Variants in TRIM67 observed in about 807,000 individuals in gnomAD.
TRIM67 encodes tripartite motif-containing protein 67.
Under a neutral mutation model 71.0 loss-of-function variants are expected in TRIM67, and 39 were observed. The observed-to-expected ratio is 0.55, with a 90% CI of 0.43 to 0.72. The LOEUF (loss-of-function observed/expected upper bound fraction) is 0.72. TRIM67 is among the 30% of genes least tolerant of loss of function. The pLI, the probability that TRIM67 is intolerant of heterozygous loss-of-function variation, is 0.00. For missense variants in TRIM67, 973 were observed against 1,079.2 expected (o/e 0.90, Z 1.38); for synonymous variants, 481 against 473.9 (o/e 1.01, Z -0.19).
chr1:231,164,286 A>T (rs1458493074), intron 1 of TRIM67, among the ~76,000 whole-genome samples: 3 of 152,242 alleles, frequency 2.0e-5, no homozygotes, highest in African/African-American at 7.2e-5. Flanking sequence ...ATGTAGGCAC[A>T]GGGCACCCAA....
At chr1:231,173,285 G>T (rs1324495138) in intron 1 of TRIM67, among the ~76,000 whole-genome samples, 1 of 152,218 alleles carries the variant, frequency 6.6e-6, no homozygotes, top group African/African-American at 2.4e-5. Context: ...AGTGTCCCAT[G>T]CCTATAATCC....
chr1:231,171,036 T>C (rs1248139537), intron 1 of TRIM67, among the ~76,000 whole-genome samples: 1 of 152,252 alleles, frequency 6.6e-6, no homozygotes, highest in Non-Finnish European at 1.5e-5. Flanking sequence ...GTGATTTGCA[T>C]GTACATTAAA....
At chr1:231,192,464 G>T (rs1016329736) in intron 1 of TRIM67, among the ~76,000 whole-genome samples, 1 of 152,058 alleles carries the variant, frequency 6.6e-6, no homozygotes, top group South Asian at 2.1e-4. Context: ...ACAGGTATGA[G>T]CCACTGCTCC....
At chr1:231,185,443 G>T (rs867907218) in intron 1 of TRIM67, among the ~76,000 whole-genome samples, 1 of 151,818 alleles carries the variant, frequency 6.6e-6, no homozygotes, top group Non-Finnish European at 1.5e-5. Context: ...GGAAGTCTGT[G>T]TTCCAGCCCC....
chr1:231,208,727 C>T (rs1035349501), intron 7 of TRIM67, among the ~76,000 whole-genome samples: 2 of 152,128 alleles, frequency 1.3e-5, no homozygotes, highest in African/African-American at 2.4e-5. Flanking sequence ...AGGCCAGGCT[C>T]GTAGGGCTGG....
chr1:231,201,330 A>G (rs1472220788), intron 4 of TRIM67, 28 bp from the exon 5 acceptor site: 8 of 1,597,748 alleles, frequency 5.0e-6, no homozygotes, highest in Non-Finnish European at 6.8e-6. Flanking sequence ...TGCAAAGCAA[A>G]ACCTTAAACT....
chr1:231,194,430 G>T (rs951740268), intron 1 of TRIM67, among the ~76,000 whole-genome samples: 1 of 152,194 alleles, frequency 6.6e-6, no homozygotes, highest in Non-Finnish European at 1.5e-5. Flanking sequence ...ATTTGATAAA[G>T]GTTCATTGGA....
chr1:231,196,265 T>C (rs1378973169), intron 1 of TRIM67, among the ~76,000 whole-genome samples: 1 of 152,146 alleles, frequency 6.6e-6, no homozygotes, highest in African/African-American at 2.4e-5. Flanking sequence ...CTCTGCTTTG[T>C]TCTATCCTCA....
At position 231,173,680 on chromosome 1, in the gene TRIM67, G is replaced by A. The variant is rs561040493; in HGVS notation, c.1044+9667G>A. Among the ~76,000 whole-genome samples, 27 of 152,302 alleles carry A rather than the reference G, an allele frequency of 1.8e-4. No individual in the cohort carries two copies. In the South Asian group the frequency reaches 5.2e-3, roughly 29 times the overall value. On this transcript the variant is annotated intron_variant, in intron 1 of 9. Transcript: ENST00000366653. The stretch of plus-strand genomic sequence containing the variant: ...GAGGCAGAAGTGTACAGGGCCTGGC[G>A]GGCCATGCAGAACAGGTTGAATTTA...
chr1:231,191,975 A>G (rs1470764461), intron 1 of TRIM67, among the ~76,000 whole-genome samples: 1 of 152,348 alleles, frequency 6.6e-6, no homozygotes, highest in East Asian at 1.9e-4. Flanking sequence ...GTGGGGCAGC[A>G]GGGCAGGGAG....
intron 2 of TRIM67, 86 bp from the exon 3 acceptor site, chr1:231,198,961 A>T (rs1169041418): frequency 3.8e-6 from 6 of 1,585,880 alleles, no homozygotes; most frequent in Non-Finnish European, 4.3e-6. Context: ...TCTGAAATAT[A>T]TCTTTGTCTA....
chr1:231,166,098 A>C (rs1230348684), intron 1 of TRIM67, among the ~76,000 whole-genome samples: 4 of 152,246 alleles, frequency 2.6e-5, no homozygotes, highest in African/African-American at 4.8e-5. Flanking sequence ...CCAACAATGC[A>C]AAGTTATGAG....
intron 1 of TRIM67, among the ~76,000 whole-genome samples, chr1:231,165,894 T>C (rs967067311): frequency 3.9e-5 from 6 of 152,194 alleles, no homozygotes; most frequent in Admixed American, 2.0e-4. Context: ...ACTCAGATGT[T>C]CAGAATTAGT....
At chr1:231,194,379 A>T (rs1683312126) in intron 1 of TRIM67, among the ~76,000 whole-genome samples, 1 of 152,178 alleles carries the variant, frequency 6.6e-6, no homozygotes, top group African/African-American at 2.4e-5. Context: ...TCTGCACCCC[A>T]CTAAGGATGT....
chr1:231,166,710 T>G (rs1026017613), intron 1 of TRIM67, among the ~76,000 whole-genome samples: 10 of 152,234 alleles, frequency 6.6e-5, no homozygotes, highest in African/African-American at 2.4e-4. Flanking sequence ...TACCTTCTGA[T>G]TAGTGATTCT....
In TRIM67 at chr1:231,220,322, G is replaced by A. The variant is rs757380969; in HGVS notation, c.*4882G>A. 1.2e-4 allele frequency: 24 copies of A among 200,712 alleles called. No homozygotes were observed. Among genetic ancestry groups the A allele is most frequent in the Non-Finnish European group, 2.1e-4 (20 of 97,148 alleles). 12.4% of individuals were successfully genotyped at this position (200,712 alleles called of 1,614,324 possible). ...CACCCCATATGTTTCCATTCCCGGC[G>A]AGGCCTGTTTGAATGGCGCTCTGTG... On this transcript the variant is annotated 3_prime_UTR_variant, in exon 10 of 10. Coordinates refer to ENST00000366653, the MANE Select transcript of TRIM67 (RefSeq NM_001004342.5).
At position 231,201,341 on chromosome 1, in the gene TRIM67, C is replaced by A. The variant is rs1392355755; in HGVS notation, c.1375-17C>A. Reference sequence around the variant, plus strand: ...CCTTTGCAAAGCAAAACCTTAAACTCTTTGCTCCCCTTTAAGATCTCAGAT... The same window carrying A: ...CCTTTGCAAAGCAAAACCTTAAACTATTTGCTCCCCTTTAAGATCTCAGAT... On this transcript the variant is annotated splice_polypyrimidine_tract_variant and intron_variant, in intron 4 of 9. Transcript: ENST00000366653. The A allele has an allele frequency of 1.2e-6, 2 of 1,607,520 alleles. No individual in the cohort carries two copies. The highest frequency in any genetic ancestry group is 1.7e-6 in the Non-Finnish European group (2 of 1,176,936).
chr1:231,176,906 CAA>C lies in TRIM67; in HGVS notation c.1044+12909_1044+12910del, dbSNP rs56115614. ...TACCCTGTTTGCCAATACAATCTGGCAAAAAAAAAAAAAAAAACACCTTTCAA... is the reference window on the plus strand; with the variant it reads ...TACCCTGTTTGCCAATACAATCTGGCAAAAAAAAAAAAAAACACCTTTCAA... On this transcript the variant is annotated intron_variant, in intron 1 of 9. Coordinates refer to ENST00000366653, the MANE Select transcript of TRIM67 (RefSeq NM_001004342.5). Among the ~76,000 whole-genome samples, 48 of 74,390 alleles carry C rather than the reference CAA, an allele frequency of 6.5e-4. 2 individuals are homozygous for C. Among genetic ancestry groups the C allele is most frequent in the East Asian group, 4.0e-3 (9 of 2,246 alleles). 48.8% of individuals were successfully genotyped at this position (74,390 alleles called of 152,430 possible).
At chr1:231,189,123 T>C (rs1245030666) in intron 1 of TRIM67, among the ~76,000 whole-genome samples, 1 of 152,200 alleles carries the variant, frequency 6.6e-6, no homozygotes, top group African/African-American at 2.4e-5. Context: ...CTCCGGGCTC[T>C]GAGCTGGGGA....
Sources: allele counts gnomAD v4.1 joint callset (sites outside exome capture counted in the v4.1 genomes callset), GRCh38; gene constraint gnomAD v4.1.1; transcripts MANE v1.5; gene names NCBI Gene and HGNC (gene_info 2026-07-23, HGNC 2026-07-21).